The following COL9A2 variants were observed in gnomAD, a reference collection of about 807,000 sequenced individuals.
COL9A2 encodes collagen alpha-2(IX) chain.
COL9A2 carries 66 observed loss-of-function variants against 111.6 expected under a neutral mutation model. That is an observed-to-expected ratio of 0.59 (90% CI 0.48 to 0.73). COL9A2 has a LOEUF of 0.73. Ranked by LOEUF, COL9A2 falls within the 30% of genes least tolerant of loss-of-function variation. The pLI, the probability that COL9A2 is intolerant of heterozygous loss-of-function variation, is 0.00. For missense variants in COL9A2, 881 were observed against 954.1 expected, an observed-to-expected ratio of 0.92 and a Z score of 1.01; for synonymous variants, 353 against 364.1, an observed-to-expected ratio of 0.97 and a Z score of 0.35.
rs1223410472 is a variant in COL9A2, at chr1:40,314,453, G to A, written c.151-66C>T. The A allele has an allele frequency of 1.3e-6, 2 of 1,589,414 alleles. No individual in the cohort carries two copies. Among genetic ancestry groups the A allele is most frequent in the South Asian group, 1.1e-5 (1 of 90,558 alleles). ...CACTACCCCAAGTGGGCACACACAG[G>A]CCCTGGCAGGCCGCTCCCAAAGGCT... is the stretch of plus-strand genomic sequence containing the variant. On this transcript the variant is annotated intron_variant, in intron 2 of 31. Coordinates refer to ENST00000372748, the MANE Select transcript of COL9A2 (RefSeq NM_001852.4). This position sits in a 1 kb window ranked among gnomAD's most constrained non-coding sequence, Gnocchi z 4.1.
At position 40,311,215 on chromosome 1, in the gene COL9A2, G is replaced by A; in HGVS notation, c.576+15C>T. 1 of 1,614,200 alleles carries A rather than the reference G, an allele frequency of 6.2e-7. No individual in the cohort carries two copies. The highest frequency in any genetic ancestry group is 8.5e-7 in the Non-Finnish European group (1 of 1,180,002). On this transcript the variant is annotated intron_variant, in intron 11 of 31. Transcript: ENST00000372748. This position sits in a 1 kb window ranked among gnomAD's most constrained non-coding sequence, Gnocchi z 5.1. The stretch of plus-strand genomic sequence containing the variant: ...CCTGCACCACCCTCCCAAGATTCAG[G>A]CCAGGAGCTCTCACCTTCACTCCCT...
At position 40,307,555 on chromosome 1, in the gene COL9A2, G is replaced by T. The variant is rs1273836780; in HGVS notation, c.955-56C>A. 2 of 1,603,832 alleles carry T rather than the reference G, an allele frequency of 1.2e-6. No individual in the cohort carries two copies. Among genetic ancestry groups the T allele is most frequent in the East Asian group, 2.2e-5 (1 of 44,746 alleles). On this transcript the variant is annotated intron_variant, in intron 18 of 31. Coordinates refer to ENST00000372748, the MANE Select transcript of COL9A2 (RefSeq NM_001852.4). This position sits in a 1 kb window ranked among gnomAD's most constrained non-coding sequence, Gnocchi z 4.8. ...TTAAAGCTCCAGCCAGAGGGCCATG[G>T]CTTCTACCCAGATGCAGGTAGGGAA...
rs1437466975 is a variant in COL9A2 at position 40,302,934 on chromosome 1, T to A, written c.1604-125A>T. On this transcript the variant is annotated intron_variant, in intron 29 of 31. Transcript: ENST00000372748. The surrounding 1 kb of genome is among the most constrained non-coding windows in gnomAD (Gnocchi z 4.5). ...GGTTTGCAGACAGAAAAGCACCACC[T>A]TCCGTGGGCTCTGTTTTGCGGAAGT... 5.2e-6 allele frequency: 6 copies of A among 1,151,178 alleles called. No individual in the cohort carries two copies. Among genetic ancestry groups the A allele is most frequent in the Non-Finnish European group, 6.3e-6 (5 of 798,788 alleles). The allele number at this position is 1,151,178 out of a possible 1,614,324, so 71.3% of individuals were successfully genotyped here. A position where few individuals can be genotyped will look rare whatever the true frequency, so the allele number is the denominator to read the frequency against.
chr1:40,304,137 C>T, intron 24 of COL9A2, 38 bp from the exon 25 acceptor site: 1 of 1,530,894 alleles, frequency 6.5e-7, no homozygotes, highest in Non-Finnish European at 8.8e-7. Context: ...GGCGAGCTCC[C>T]CCCTCCACGG....
chr1:40,314,479 C>T lies in COL9A2; in HGVS notation c.151-92G>A, dbSNP rs1425195033. The T allele has an allele frequency of 5.7e-6, 8 of 1,396,950 alleles. No individual in the cohort carries two copies. The African/African-American group carries it at 9.9e-5, about 17-fold the overall frequency. 86.5% of individuals were successfully genotyped at this position (1,396,950 alleles called of 1,614,324 possible). On this transcript the variant is annotated intron_variant, in intron 2 of 31. Coordinates refer to ENST00000372748, the MANE Select transcript of COL9A2 (RefSeq NM_001852.4). This position sits in a 1 kb window ranked among gnomAD's most constrained non-coding sequence, Gnocchi z 4.1. ...CCCTGGCAGGCCGCTCCCAAAGGCTCTCCTCACTCTCCTCTCTTCTGTCCA... is the reference window on the plus strand; with the variant it reads ...CCCTGGCAGGCCGCTCCCAAAGGCTTTCCTCACTCTCCTCTCTTCTGTCCA...
chr1:40,311,635 C>T lies in COL9A2; in HGVS notation c.471+27G>A. ...ACCCTTCTCCTTCCCCTGCACTTTG[C>T]CATGTCGGGGGTCTGGGGACACTTA... On this transcript the variant is annotated intron_variant, in intron 9 of 31. Coordinates refer to ENST00000372748, the MANE Select transcript of COL9A2 (RefSeq NM_001852.4). This position sits in a 1 kb window ranked among gnomAD's most constrained non-coding sequence, Gnocchi z 5.1. 1 of 1,613,840 alleles carries T rather than the reference C, an allele frequency of 6.2e-7. No individual in the cohort carries two copies. Among genetic ancestry groups the T allele is most frequent in the Admixed American group, 1.7e-5 (1 of 60,016 alleles).
At position 40,301,058 on chromosome 1, in the gene COL9A2, T is replaced by C. The variant is rs980925793; in HGVS notation, c.*124A>G. ...TAGAATTCCTTTTCCTTAGGACTCC[T>C]GAGTCCCAGACAGAAGGTCCTGGGG... On this transcript the variant is annotated 3_prime_UTR_variant, in exon 32 of 32. Transcript: ENST00000372748. 6.9e-6 allele frequency: 7 copies of C among 1,009,172 alleles called. No homozygotes were observed. The highest frequency in any genetic ancestry group is 2.1e-5 in the Admixed American group (1 of 46,748). 62.5% of individuals were successfully genotyped at this position (1,009,172 alleles called of 1,614,324 possible).
In COL9A2 at chr1:40,312,871, G is replaced by A. The variant is rs905455011; in HGVS notation, c.250-87C>T. ...GGGCAGGTTCAAGGGTCCCTCCTGG[G>A]TGGGCCGAGGCTCCTTTTTGCCACA... On this transcript the variant is annotated intron_variant, in intron 4 of 31. Coordinates refer to ENST00000372748, the MANE Select transcript of COL9A2 (RefSeq NM_001852.4). The surrounding 1 kb of genome is among the most constrained non-coding windows in gnomAD (Gnocchi z 6.0). 1.6e-6 allele frequency: 2 copies of A among 1,234,112 alleles called. No individual in the cohort carries two copies. The highest frequency in any genetic ancestry group is 3.0e-5 in the African/African-American group (2 of 66,698). The allele number at this position is 1,234,112 out of a possible 1,614,324, so 76.4% of individuals were successfully genotyped here.
In COL9A2 at chr1:40,317,262, G is replaced by T; in HGVS notation, c.-65C>A. On this transcript the variant is annotated 5_prime_UTR_variant, in exon 1 of 32. Transcript: ENST00000372748. The surrounding 1 kb of genome is among the most constrained non-coding windows in gnomAD (Gnocchi z 4.3). ...GCACGCACCGACGGCAGAGTCTCCC[G>T]GCGCTCCTCCAGCGCTGGCTGTTCG... 1 of 1,315,730 alleles carries T rather than the reference G, an allele frequency of 7.6e-7. No homozygotes were observed. The highest frequency in any genetic ancestry group is 1.1e-6 in the Non-Finnish European group (1 of 936,210). The allele number at this position is 1,315,730 out of a possible 1,614,324, so 81.5% of individuals were successfully genotyped here. A position where few individuals can be genotyped will look rare whatever the true frequency, so the allele number is the denominator to read the frequency against.
Position 40,300,992 on chromosome 1 carries a change from T to C in COL9A2, c.*190A>G. Reference sequence around the variant, plus strand: ...ACTTGCCCTGTGTGTTGGCCTCACTTTTTCACCCATCAGTGCTCTACCTCC... The same window carrying C: ...ACTTGCCCTGTGTGTTGGCCTCACTCTTTCACCCATCAGTGCTCTACCTCC... On this transcript the variant is annotated 3_prime_UTR_variant, in exon 32 of 32. Transcript: ENST00000372748. The surrounding 1 kb of genome is among the most constrained non-coding windows in gnomAD (Gnocchi z 4.4). 1 of 626,522 alleles carries C rather than the reference T, an allele frequency of 1.6e-6. No individual in the cohort carries two copies. Among genetic ancestry groups the C allele is most frequent in the East Asian group, 2.8e-5 (1 of 36,010 alleles). 38.8% of individuals were successfully genotyped at this position (626,522 alleles called of 1,614,324 possible). A position where few individuals can be genotyped will look rare whatever the true frequency, so the allele number is the denominator to read the frequency against.
chr1:40,302,716 T>C lies in COL9A2; in HGVS notation c.1697A>G (p.Tyr566Cys). 6.3e-7 allele frequency: 1 copy of C among 1,576,274 alleles called. No individual in the cohort carries two copies. Among genetic ancestry groups the C allele is most frequent in the East Asian group, 2.4e-5 (1 of 42,422 alleles). Reference sequence around the variant, plus strand: ...CCCATGGGGGCCCTGCTTGCCTGGGTACCCAGGGGGCCCAGGAGGTCCTGG... The same window carrying C: ...CCCATGGGGGCCCTGCTTGCCTGGGCACCCAGGGGGCCCAGGAGGTCCTGG... ...GPPGPPGPPGYPGKQGPHGHP... is the reference protein window; with the variant it reads ...GPPGPPGPPGCPGKQGPHGHP... Residue 566 changes from tyrosine (Y) to cysteine (C), a missense_variant, in exon 30 of 32, where the codon TAC becomes TGC. Coordinates refer to ENST00000372748, the MANE Select transcript of COL9A2 (RefSeq NM_001852.4). The surrounding 1 kb of genome is among the most constrained non-coding windows in gnomAD (Gnocchi z 4.5).
chr1:40,306,601 C>G (rs569401773), intron 19 of COL9A2, among the ~76,000 whole-genome samples: 1 of 150,730 alleles, frequency 6.6e-6, no homozygotes, highest in East Asian at 2.0e-4. Context: ...CACAAAGAGA[C>G]CAGAAAGGGC....
chr1:40,310,260 T>C lies in COL9A2; in HGVS notation c.738+4A>G. The C allele has an allele frequency of 6.2e-7, 1 of 1,614,132 alleles. No homozygotes were observed. ...TCTTGTAGAACACCCCAAGATTCAC[T>C]TACCGTCTCTCCCTTGGGCCCTGCC... On this transcript the variant is annotated splice_donor_region_variant and intron_variant, in intron 14 of 31. Transcript: ENST00000372748. The surrounding 1 kb of genome is among the most constrained non-coding windows in gnomAD (Gnocchi z 4.9).
In COL9A2 at chr1:40,308,363, C is replaced by A. The variant is rs1304888651; in HGVS notation, c.847-118G>T. On this transcript the variant is annotated intron_variant, in intron 16 of 31. Coordinates refer to ENST00000372748, the MANE Select transcript of COL9A2 (RefSeq NM_001852.4). ...GGTCCCAGAGTTCCTCTGGCACAGG[C>A]CACACCATGCAGGGGCCGGAGGAGA... is the stretch of plus-strand genomic sequence containing the variant. 2.9e-6 allele frequency: 3 copies of A among 1,038,456 alleles called. No individual in the cohort carries two copies. In the African/African-American group the frequency reaches 4.8e-5, roughly 16 times the overall value. 64.3% of individuals were successfully genotyped at this position (1,038,456 alleles called of 1,614,324 possible).
chr1:40,311,052 C>G lies in COL9A2; in HGVS notation c.630+41G>C, dbSNP rs202027418. ...GGGACAGAGCCCTGTAGGACCATCT[C>G]CACGTATCCCTGACCCACAGCCCTC... On this transcript the variant is annotated intron_variant, in intron 12 of 31. Coordinates refer to ENST00000372748, the MANE Select transcript of COL9A2 (RefSeq NM_001852.4). This position sits in a 1 kb window ranked among gnomAD's most constrained non-coding sequence, Gnocchi z 5.1. 5 of 1,611,652 alleles carry G rather than the reference C, an allele frequency of 3.1e-6. No individual in the cohort carries two copies. Among genetic ancestry groups the G allele is most frequent in the Non-Finnish European group, 1.7e-6 (2 of 1,178,224 alleles).
In COL9A2 at chr1:40,303,571, T is replaced by C. The variant is rs1557792453; in HGVS notation, c.1507A>G (p.Asn503Asp). The stretch of plus-strand genomic sequence containing the variant: ...CCGGGCTGTCCTGGCACGCCTCGGT[T>C]CCCGGCCAGTCCTCGAGGGCCGGGG... ...GPPGPRGLAG[N>D]RGVPGQPGRQ... The change falls in exon 28 of 32, where the codon AAC becomes GAC. Residue 503 changes from asparagine to aspartate, a missense_variant. Transcript: ENST00000372748. The surrounding 1 kb of genome is among the most constrained non-coding windows in gnomAD (Gnocchi z 4.6). 1.2e-6 allele frequency: 2 copies of C among 1,611,048 alleles called. No individual in the cohort carries two copies. The highest frequency in any genetic ancestry group is 2.7e-5 in the African/African-American group (2 of 74,898).
Position 40,310,693 on chromosome 1 carries a change from C to T in COL9A2, c.684+21G>A. The T allele has an allele frequency of 6.4e-7, 1 of 1,565,528 alleles. No homozygotes were observed. The stretch of plus-strand genomic sequence containing the variant: ...CCTGGGGTGAGGGAGAAGAGGGCCA[C>T]TGAGGCAAGGTGTTCCTTACCGGTG... On this transcript the variant is annotated intron_variant, in intron 13 of 31. Transcript: ENST00000372748. This position sits in a 1 kb window ranked among gnomAD's most constrained non-coding sequence, Gnocchi z 4.9.
chr1:40,302,688 G>T lies in COL9A2; in HGVS notation c.1725C>A (p.His575Gln). The T allele has an allele frequency of 6.3e-7, 1 of 1,594,504 alleles. No individual in the cohort carries two copies. Among genetic ancestry groups the T allele is most frequent in the Non-Finnish European group, 8.5e-7 (1 of 1,171,938 alleles). The change falls in exon 30 of 32, where the codon CAC becomes CAA. Residue 575 changes from histidine (H) to glutamine (Q), a missense_variant. His to Gln is a conservative substitution (Grantham distance 24, BLOSUM62 0). Coordinates refer to ENST00000372748, the MANE Select transcript of COL9A2 (RefSeq NM_001852.4). The surrounding 1 kb of genome is among the most constrained non-coding windows in gnomAD (Gnocchi z 4.5). Reference sequence around the variant, plus strand: ...TGCCAGGAACGCCCCGAGGGCCAGGGTGCCCATGGGGGCCCTGCTTGCCTG... The same window carrying T: ...TGCCAGGAACGCCCCGAGGGCCAGGTTGCCCATGGGGGCCCTGCTTGCCTG... ...GYPGKQGPHG[H>Q]PGPRGVPGIV...
In COL9A2 at chr1:40,307,336, G is replaced by T; in HGVS notation, c.1008+110C>A. 1.9e-6 allele frequency: 2 copies of T among 1,051,886 alleles called. No homozygotes were observed. The highest frequency in any genetic ancestry group is 2.9e-6 in the Non-Finnish European group (2 of 692,106). The allele number at this position is 1,051,886 out of a possible 1,614,324, so 65.2% of individuals were successfully genotyped here. ...TCGCCAGGCCAGGGGCCACAGAGTT[G>T]GTAACAAGGCAAGAGGTGGTGATTG... On this transcript the variant is annotated intron_variant, in intron 19 of 31. Transcript: ENST00000372748. The surrounding 1 kb of genome is among the most constrained non-coding windows in gnomAD (Gnocchi z 4.8).
Sources: allele counts gnomAD v4.1 joint callset (sites outside exome capture counted in the v4.1 genomes callset), GRCh38; gene constraint gnomAD v4.1.1; non-coding constraint Gnocchi (gnomAD v3.1); transcripts MANE v1.5; gene names NCBI Gene and HGNC (gene_info 2026-07-23, HGNC 2026-07-21).